Variants in BRINP2 observed in about 807,000 individuals in gnomAD.
BRINP2 encodes BMP/retinoic acid inducible neural specific 2.
In BRINP2, 21 loss-of-function variants were observed where a neutral mutation model predicts 69.2. The observed-to-expected ratio is 0.30, with a 90% CI of 0.22 to 0.44. BRINP2 has a LOEUF of 0.44. BRINP2 is among the 20% of genes least tolerant of loss of function. The pLI is 1.00. For missense variants in BRINP2, 877 were observed against 986.0 expected, an observed-to-expected ratio of 0.89 and a Z score of 1.48; for synonymous variants, 380 against 394.1, an observed-to-expected ratio of 0.96 and a Z score of 0.42.
intron 1 of BRINP2, among the ~76,000 whole-genome samples, chr1:177,223,709 T>G (rs1469683981): frequency 6.6e-6 from 1 of 152,238 alleles, no homozygotes; most frequent in Non-Finnish European, 1.5e-5. Context: ...TACCATTGCA[T>G]AATTATTAAT....
At chr1:177,213,635 T>C (rs1266148536) in intron 1 of BRINP2, among the ~76,000 whole-genome samples, 11 of 152,248 alleles carry the variant, frequency 7.2e-5, no homozygotes. Flanking sequence ...CAGAAGTGAC[T>C]GATTTGAACC....
chr1:177,252,158 A>T (rs2102342891), intron 2 of BRINP2, among the ~76,000 whole-genome samples: 1 of 152,328 alleles, frequency 6.6e-6, no homozygotes, highest in African/African-American at 2.4e-5. Context: ...TACTTTTGAC[A>T]AATACTCTGT....
chr1:177,181,582 C>T (rs1648250042), intron 1 of BRINP2, among the ~76,000 whole-genome samples: 1 of 152,222 alleles, frequency 6.6e-6, no homozygotes, highest in Non-Finnish European at 1.5e-5. Flanking sequence ...TTGAAATCCC[C>T]TTGAGACATA....
chr1:177,273,359 G>C, intron 4 of BRINP2, 129 bp from the exon 5 acceptor site: 1 of 531,318 alleles, frequency 1.9e-6, no homozygotes, highest in Non-Finnish European at 3.3e-6. Flanking sequence ...AGTACGAAAA[G>C]GGACGTATCA....
chr1:177,219,269 C>T (rs943122576), intron 1 of BRINP2, among the ~76,000 whole-genome samples: 1 of 152,146 alleles, frequency 6.6e-6, no homozygotes, highest in East Asian at 1.9e-4. Context: ...ATTGATTGCA[C>T]CCCGTTGTCT....
intron 1 of BRINP2, among the ~76,000 whole-genome samples, chr1:177,179,964 C>T (rs1282336267): frequency 6.6e-6 from 1 of 151,994 alleles, no homozygotes; most frequent in Non-Finnish European, 1.5e-5. Flanking sequence ...ACGCACACCC[C>T]GTATATACAC....
At chr1:177,262,577 T>A (rs553716689) in intron 4 of BRINP2, among the ~76,000 whole-genome samples, 2 of 151,092 alleles carry the variant, frequency 1.3e-5, no homozygotes, top group South Asian at 2.1e-4. Flanking sequence ...AAGATAATCA[T>A]AGGAGCAAAG....
At chr1:177,221,619 C>T in intron 1 of BRINP2, among the ~76,000 whole-genome samples, 1 of 152,106 alleles carries the variant, frequency 6.6e-6, no homozygotes, top group Middle Eastern at 3.2e-3. Flanking sequence ...ATACCCCAGC[C>T]CCATATCTCA....
In BRINP2 at chr1:177,201,322, G is replaced by A. The variant is rs899820334; in HGVS notation, c.-76-28479G>A. Among the ~76,000 whole-genome samples the A allele has an allele frequency of 2.6e-5, 4 of 152,212 alleles. No homozygotes were observed. In the East Asian group the frequency reaches 7.7e-4, roughly 29 times the overall value. ...TTCTAACATGTTTCTCTTTTAATTGGCTTGGACAGGACGCTTCAGGCAATT... is the reference window on the plus strand; with the variant it reads ...TTCTAACATGTTTCTCTTTTAATTGACTTGGACAGGACGCTTCAGGCAATT... On this transcript the variant is annotated intron_variant, in intron 1 of 7. Coordinates refer to ENST00000361539, the MANE Select transcript of BRINP2 (RefSeq NM_021165.4).
chr1:177,266,813 C>G (rs962098536), intron 4 of BRINP2, among the ~76,000 whole-genome samples: 9 of 150,514 alleles, frequency 6.0e-5, no homozygotes, highest in Non-Finnish European at 8.9e-5. Flanking sequence ...TTTTGTGAAG[C>G]CTTTCCTAAC....
intron 1 of BRINP2, among the ~76,000 whole-genome samples, chr1:177,184,234 A>G (rs1281366921): frequency 6.6e-6 from 1 of 152,122 alleles, no homozygotes; most frequent in African/African-American, 2.4e-5. Context: ...TAATCCTGTC[A>G]TTTCTCACCT....
At chr1:177,192,606 TG>T (rs1252946426) in intron 1 of BRINP2, among the ~76,000 whole-genome samples, 1 of 152,208 alleles carries the variant, frequency 6.6e-6, no homozygotes, top group Non-Finnish European at 1.5e-5. Context: ...CTCATCTCCC[TG>T]GTATAGATGA....
intron 1 of BRINP2, among the ~76,000 whole-genome samples, chr1:177,193,502 G>A (rs1571889983): frequency 6.6e-6 from 1 of 152,288 alleles, no homozygotes; most frequent in East Asian, 1.9e-4. Context: ...ATGCCCAACA[G>A]GCACCTGTGG....
intron 4 of BRINP2, among the ~76,000 whole-genome samples, chr1:177,267,144 A>G (rs1651154562): frequency 6.6e-6 from 1 of 151,018 alleles, no homozygotes; most frequent in Non-Finnish European, 1.5e-5. Context: ...TGAAAGAAAC[A>G]GAGATCTACT....
At chr1:177,253,846 T>C (rs1437450110) in intron 2 of BRINP2, among the ~76,000 whole-genome samples, 5 of 152,144 alleles carry the variant, frequency 3.3e-5, no homozygotes, top group Non-Finnish European at 7.4e-5. Flanking sequence ...TATTTTTAAT[T>C]ATTTTATTTT....
At chr1:177,232,026 A>C (rs1204981989) in intron 2 of BRINP2, among the ~76,000 whole-genome samples, 3 of 152,252 alleles carry the variant, frequency 2.0e-5, no homozygotes, top group Non-Finnish European at 2.9e-5. Flanking sequence ...GCTTAAGCAG[A>C]GAATCCCTCC....
intron 2 of BRINP2, among the ~76,000 whole-genome samples, chr1:177,231,098 A>G (rs1472777914): frequency 6.6e-6 from 1 of 152,218 alleles, no homozygotes; most frequent in African/African-American, 2.4e-5. Context: ...CATATTGGCT[A>G]TGCATTTCTA....
At chr1:177,209,776 T>C (rs1649174193) in intron 1 of BRINP2, among the ~76,000 whole-genome samples, 1 of 151,536 alleles carries the variant, frequency 6.6e-6, no homozygotes, top group Non-Finnish European at 1.5e-5. Context: ...AGAAAAAAAA[T>C]GGAGATAAAA....
chr1:177,242,102 C>A (rs1381854310), intron 2 of BRINP2, among the ~76,000 whole-genome samples: 1 of 152,208 alleles, frequency 6.6e-6, no homozygotes, highest in Non-Finnish European at 1.5e-5. Flanking sequence ...CACCTGGCTA[C>A]TGTCACTCCT....
Sources: allele counts gnomAD v4.1 joint callset (sites outside exome capture counted in the v4.1 genomes callset), GRCh38; gene constraint gnomAD v4.1.1; transcripts MANE v1.5; gene names NCBI Gene and HGNC (gene_info 2026-07-23, HGNC 2026-07-21).